The following CAMKMT variants were observed in gnomAD, a reference collection of about 807,000 sequenced individuals.
CAMKMT encodes calmodulin-lysine N-methyltransferase.
In CAMKMT, 53 loss-of-function variants were observed where a neutral mutation model predicts 48.0. That is an observed-to-expected ratio of 1.10 (90% CI 0.89 to 1.39). The LOEUF (loss-of-function observed/expected upper bound fraction) is 1.39, where lower values mean the gene tolerates loss of function less well. CAMKMT is among the 40% of genes most tolerant of loss of function. CAMKMT has a pLI of 0.00. For synonymous variants in CAMKMT, 165 were observed against 152.3 expected, an observed-to-expected ratio of 1.08 and a Z score of -0.61; for missense variants, 428 against 402.7, an observed-to-expected ratio of 1.06 and a Z score of -0.54.
chr2:44,514,139 G>T (rs565109734), intron 3 of CAMKMT, among the ~76,000 whole-genome samples: 1 of 151,554 alleles, frequency 6.6e-6, no homozygotes, highest in Non-Finnish European at 1.5e-5. Flanking sequence ...AGTGCTTAGA[G>T]AAATCAGAGG....
intron 3 of CAMKMT, among the ~76,000 whole-genome samples, chr2:44,513,367 C>T (rs911574083): frequency 6.6e-6 from 1 of 152,140 alleles, no homozygotes; most frequent in African/African-American, 2.4e-5. Flanking sequence ...AACAAATGAA[C>T]AAATTATGTT....
rs114776738 is a variant in CAMKMT, at chr2:44,462,761, T to G, written c.376+72456T>G. Among the ~76,000 whole-genome samples the G allele has an allele frequency of 9.0e-3, 1,365 of 152,278 alleles. 13 individuals carry two copies. The highest frequency in any genetic ancestry group is 0.026 in the African/African-American group (1,063 of 41,560). ...TGAATGAATAGAAATATAATTCAGG[T>G]CTCAGCTATTTAGAAAAAAAAATGC... On this transcript the variant is annotated intron_variant, in intron 3 of 10. Transcript: ENST00000378494.
At chr2:44,551,218 G>A (rs1440562604) in intron 3 of CAMKMT, among the ~76,000 whole-genome samples, 1 of 152,070 alleles carries the variant, frequency 6.6e-6, no homozygotes, top group Non-Finnish European at 1.5e-5. Flanking sequence ...ACTGGATACG[G>A]GGCTTTACAC....
intron 3 of CAMKMT, among the ~76,000 whole-genome samples, chr2:44,413,239 T>A (rs1044118491): frequency 1.7e-4 from 26 of 152,182 alleles, no homozygotes; most frequent in Admixed American, 1.3e-4. Flanking sequence ...AAAGTCACAG[T>A]GTACATTGTT....
intron 3 of CAMKMT, among the ~76,000 whole-genome samples, chr2:44,573,025 G>A (rs564493399): frequency 4.0e-4 from 60 of 150,602 alleles, no homozygotes; most frequent in South Asian, 2.8e-3. Flanking sequence ...TAATCTTTTC[G>A]TGTGCTGCTA....
chr2:44,500,031 A>G (rs1310147165), intron 3 of CAMKMT, among the ~76,000 whole-genome samples: 1 of 152,184 alleles, frequency 6.6e-6, no homozygotes, highest in Non-Finnish European at 1.5e-5. Flanking sequence ...CTTCATTTTA[A>G]ATAGCTTCAA....
At chr2:44,406,253 A>T (rs10173870) in intron 3 of CAMKMT, among the ~76,000 whole-genome samples, 6,104 of 151,990 alleles carry the variant, frequency 0.04, 411 homozygotes, top group African/African-American at 0.14. Context: ...TTCCTAACCA[A>T]GCGCCTTTGT....
rs76756945 is a variant in CAMKMT, at chr2:44,668,263, C to T, written c.377-36020C>T. On this transcript the variant is annotated intron_variant, in intron 3 of 10. Transcript: ENST00000378494. ...GCCACCTGTCCACCTGTGTCTGTGT[C>T]GTGTCTCCTCCTTTTCCTTTGGTAA... is the stretch of plus-strand genomic sequence containing the variant. 7.3e-3 allele frequency among the ~76,000 whole-genome samples: 1,114 copies of T among 152,310 alleles called. 21 individuals are homozygous for T. In the East Asian group the frequency reaches 0.1, roughly 14 times the overall value.
At chr2:44,426,377 G>T (rs1684277752) in intron 3 of CAMKMT, among the ~76,000 whole-genome samples, 1 of 152,016 alleles carries the variant, frequency 6.6e-6, no homozygotes, top group Admixed American at 6.6e-5. Context: ...GCATATAGAT[G>T]GGAAAAAATG....
chr2:44,651,268 A>C (rs1674047281), intron 3 of CAMKMT, among the ~76,000 whole-genome samples: 1 of 152,242 alleles, frequency 6.6e-6, no homozygotes, highest in Admixed American at 6.5e-5. Flanking sequence ...ACTTGGGAGC[A>C]ATCTAGTTAC....
chr2:44,658,390 C>T (rs1198589189), intron 3 of CAMKMT, among the ~76,000 whole-genome samples: 1 of 151,554 alleles, frequency 6.6e-6, no homozygotes, highest in Non-Finnish European at 1.5e-5. Flanking sequence ...AAGGGGGCAC[C>T]GGGTGTGCTA....
intron 3 of CAMKMT, among the ~76,000 whole-genome samples, chr2:44,541,607 C>A (rs1667108755): frequency 6.6e-6 from 1 of 151,650 alleles, no homozygotes; most frequent in Non-Finnish European, 1.5e-5. Flanking sequence ...CCCATCTTGA[C>A]AAAAAATACA....
At chr2:44,402,114 GT>G (rs1196817564) in intron 3 of CAMKMT, among the ~76,000 whole-genome samples, 2 of 152,118 alleles carry the variant, frequency 1.3e-5, no homozygotes, top group African/African-American at 4.8e-5. Flanking sequence ...ATCACCTGAG[GT>G]TGGGCGTTCG....
chr2:44,625,107 C>G lies in CAMKMT; in HGVS notation c.377-79176C>G, dbSNP rs139771292. On this transcript the variant is annotated intron_variant, in intron 3 of 10. Transcript: ENST00000378494. ...CTAAAGTGATTGTACCATTTTACAT[C>G]CCCCAGCAGTGTATGAGAGTTTCAG... Among the ~76,000 whole-genome samples, 61 of 152,320 alleles carry G rather than the reference C, an allele frequency of 4.0e-4. 1 individual carries two copies. The East Asian group carries it at 0.012, about 29-fold the overall frequency.
chr2:44,759,562 G>T (rs1278104001), intron 9 of CAMKMT, among the ~76,000 whole-genome samples: 1 of 152,066 alleles, frequency 6.6e-6, no homozygotes, highest in African/African-American at 2.4e-5. Context: ...GAACTGAAAT[G>T]GTGCTGAGAC....
At chr2:44,540,778 G>A (rs549717913) in intron 3 of CAMKMT, among the ~76,000 whole-genome samples, 4 of 152,302 alleles carry the variant, frequency 2.6e-5, no homozygotes, top group Admixed American at 2.6e-4. Context: ...ATGGGTTCTA[G>A]ATATACTCAT....
chr2:44,601,853 G>C (rs1465991413), intron 3 of CAMKMT, among the ~76,000 whole-genome samples: 2 of 151,794 alleles, frequency 1.3e-5, no homozygotes, highest in Non-Finnish European at 2.9e-5. Context: ...AAAGCTAAAA[G>C]GAAAAGTAAT....
intron 3 of CAMKMT, among the ~76,000 whole-genome samples, chr2:44,541,490 G>A (rs1374928845): frequency 6.6e-6 from 1 of 152,130 alleles, no homozygotes; most frequent in Non-Finnish European, 1.5e-5. Flanking sequence ...TGTATGTACA[G>A]TATTTGAAGG....
chr2:44,742,071 G>T (rs1391651117), intron 7 of CAMKMT, among the ~76,000 whole-genome samples: 2 of 151,902 alleles, frequency 1.3e-5, no homozygotes, highest in African/African-American at 2.4e-5. Context: ...CTTGCTCATG[G>T]TTCAAGTCTT....
Sources: gnomAD v4.1 joint callset for allele counts (sites outside exome capture counted in the v4.1 genomes callset) on GRCh38, gnomAD v4.1.1 for gene constraint, MANE v1.5 for transcripts, NCBI Gene and HGNC (gene_info 2026-07-23, HGNC 2026-07-21) for gene names.